Variants in CNR1 observed in about 807,000 individuals in gnomAD.
The protein encoded by CNR1 is cannabinoid receptor 1.
A neutral mutation model predicts 23.0 loss-of-function variants in CNR1; 10 were observed. That is an observed-to-expected ratio of 0.43 (90% CI 0.27 to 0.74). CNR1 has a LOEUF of 0.74. CNR1 is among the 30% of genes least tolerant of loss of function. The pLI, the probability that CNR1 is intolerant of heterozygous loss-of-function variation, is 0.19. For synonymous variants in CNR1, 271 were observed against 255.2 expected (o/e 1.06, Z -0.59); for missense variants, 422 against 618.8 (o/e 0.68, Z 3.37).
intron 1 of CNR1, among the ~76,000 whole-genome samples, chr6:88,157,172 T>C (rs995373684): frequency 2.6e-5 from 4 of 152,212 alleles, no homozygotes; most frequent in Non-Finnish European, 5.9e-5. Context: ...AAAGACAATA[T>C]ATGAAATTAC....
At chr6:88,159,442 T>C (rs1777969969) in intron 1 of CNR1, among the ~76,000 whole-genome samples, 1 of 152,200 alleles carries the variant, frequency 6.6e-6, no homozygotes, top group African/African-American at 2.4e-5. Flanking sequence ...GTTACAAATA[T>C]TTAGAAATAT....
At chr6:88,166,878 C>G (rs1288297072), upstream of CNR1, among the ~76,000 whole-genome samples, 1 of 151,832 alleles carries the variant, frequency 6.6e-6, no homozygotes, top group African/African-American at 2.4e-5. Flanking sequence ...CCGCGCAAGG[C>G]CGCTCCCGTG....
rs1776772794 is a variant in CNR1, at chr6:88,140,854, A to G, written c.*3002T>C. The G allele has an allele frequency of 6.6e-6, 1 of 152,366 alleles. No homozygotes were observed. Among genetic ancestry groups the G allele is most frequent in the African/African-American group, 2.4e-5 (1 of 41,452 alleles). 9.4% of individuals were successfully genotyped at this position (152,366 alleles called of 1,614,324 possible). A position where few individuals can be genotyped will look rare whatever the true frequency, so the allele number is the denominator to read the frequency against. On this transcript the variant is annotated 3_prime_UTR_variant, in exon 2 of 2. Coordinates refer to ENST00000369501, the MANE Select transcript of CNR1 (RefSeq NM_016083.6). The stretch of plus-strand genomic sequence containing the variant: ...CAAGTGTAGGACAGATGTCTACAGC[A>G]TCTCTCAGATTCATATCCTTTCACA...
intron 1 of CNR1, among the ~76,000 whole-genome samples, chr6:88,156,487 G>C (rs1401811137): frequency 6.6e-6 from 1 of 152,132 alleles, no homozygotes; most frequent in African/African-American, 2.4e-5. Context: ...TTTCCTAGTT[G>C]AAAGAGTAGA....
intron 1 of CNR1, among the ~76,000 whole-genome samples, chr6:88,147,445 G>A (rs1247221656): frequency 1.3e-5 from 2 of 152,226 alleles, no homozygotes; most frequent in Non-Finnish European, 2.9e-5. Flanking sequence ...CAGTCTAGAG[G>A]GCTGAAGGAG....
At chr6:88,163,556 A>C (rs1392699614) in intron 1 of CNR1, among the ~76,000 whole-genome samples, 1 of 152,258 alleles carries the variant, frequency 6.6e-6, no homozygotes, top group East Asian at 1.9e-4. Context: ...CAAAGCAAAG[A>C]ACAGTGTTAT....
intron 1 of CNR1, among the ~76,000 whole-genome samples, chr6:88,165,517 C>T (rs553457562): frequency 6.6e-6 from 1 of 152,310 alleles, no homozygotes; most frequent in Admixed American, 6.5e-5. Flanking sequence ...CCAACTCAAG[C>T]GCCCGTTTTT....
chr6:88,147,557 T>C (rs1777271778), intron 1 of CNR1: 1 of 152,160 alleles, frequency 6.6e-6, no homozygotes, highest in African/African-American at 2.4e-5. Context: ...AATACCCTAG[T>C]GTCATGATTC....
rs184123842 is a variant in CNR1, at chr6:88,141,743, G to A, written c.*2113C>T. 1 of 152,478 alleles carries A rather than the reference G, an allele frequency of 6.6e-6. No homozygotes were observed. Among genetic ancestry groups the A allele is most frequent in the Admixed American group, 6.5e-5 (1 of 15,304 alleles). 9.4% of individuals were successfully genotyped at this position (152,478 alleles called of 1,614,324 possible). ...TAAGGGAGCCAGCAGGCAGATTCAAGGTGTGCAGACAGACAATGCAAAGTA... is the reference window on the plus strand; with the variant it reads ...TAAGGGAGCCAGCAGGCAGATTCAAAGTGTGCAGACAGACAATGCAAAGTA... On this transcript the variant is annotated 3_prime_UTR_variant, in exon 2 of 2. Coordinates refer to ENST00000369501, the MANE Select transcript of CNR1 (RefSeq NM_016083.6).
In CNR1 at chr6:88,143,212, T is replaced by A. The variant is rs1032938053; in HGVS notation, c.*644A>T. The A allele has an allele frequency of 6.6e-6, 1 of 152,428 alleles. No homozygotes were observed. The highest frequency in any genetic ancestry group is 1.5e-5 in the Non-Finnish European group (1 of 68,034). The allele number at this position is 152,428 out of a possible 1,614,324, so 9.4% of individuals were successfully genotyped here. A position where few individuals can be genotyped will look rare whatever the true frequency, so the allele number is the denominator to read the frequency against. The stretch of plus-strand genomic sequence containing the variant: ...TAACAGAAAAATAAACCTTTACGGT[T>A]ATTTCAGTGTCAAAATTAAATAGAG... On this transcript the variant is annotated 3_prime_UTR_variant, in exon 2 of 2. Coordinates refer to ENST00000369501, the MANE Select transcript of CNR1 (RefSeq NM_016083.6).
At chr6:88,147,153 A>T (rs1167976109) in intron 1 of CNR1, among the ~76,000 whole-genome samples, 6 of 152,190 alleles carry the variant, frequency 3.9e-5, no homozygotes, top group South Asian at 2.1e-4. Context: ...ATTTAAAAAA[A>T]TTTTAAAAAA....
At chr6:88,156,761 T>C (rs1777823310) in intron 1 of CNR1, among the ~76,000 whole-genome samples, 1 of 152,218 alleles carries the variant, frequency 6.6e-6, no homozygotes, top group South Asian at 2.1e-4. Context: ...AAGTAAATGT[T>C]GGTATGCATC....
At position 88,144,396 on chromosome 6, in the gene CNR1, C is replaced by T. The variant is rs35057475; in HGVS notation, c.879G>A (p.Ala293=). ...GAGCCTTCCAGAGAATATACATGTA[C>T]GCATACACGATGAACAGAAGCAGTA... The part of the protein sequence containing the change: ...TSVLLLFIVY[A]YMYILWKAHS... The change falls in exon 2 of 2, where the codon GCG becomes GCA. Residue 293 remains alanine (A), a synonymous_variant. Transcript: ENST00000369501. This position sits in a 1 kb window ranked among gnomAD's most constrained non-coding sequence, Gnocchi z 7.8. 4.4e-5 allele frequency: 71 copies of T among 1,613,928 alleles called. No homozygotes were observed. The highest frequency in any genetic ancestry group is 3.2e-4 in the African/African-American group (24 of 74,918).
intron 1 of CNR1, among the ~76,000 whole-genome samples, 155 bp downstream of exon 1, chr6:88,165,648 A>G (rs1778332031): frequency 6.6e-6 from 1 of 152,264 alleles, no homozygotes; most frequent in Non-Finnish European, 1.5e-5. Context: ...ATCACAGTTA[A>G]CAGGCTGGGG....
intron 1 of CNR1, among the ~76,000 whole-genome samples, chr6:88,150,001 A>C (rs951105059): frequency 2.0e-5 from 3 of 152,222 alleles, no homozygotes; most frequent in African/African-American, 7.2e-5. Flanking sequence ...ATGGCAGTTG[A>C]ATTTTTATTA....
At chr6:88,148,298 A>G (rs996524839) in intron 1 of CNR1, among the ~76,000 whole-genome samples, 3 of 152,294 alleles carry the variant, frequency 2.0e-5, no homozygotes, top group Non-Finnish European at 2.9e-5. Context: ...CTATCATGGT[A>G]CTGACCAGAT....
Position 88,141,614 on chromosome 6 carries a change from C to T in CNR1, c.*2242G>A, listed in dbSNP as rs985817809. The T allele has an allele frequency of 1.3e-5, 2 of 152,304 alleles. No individual in the cohort carries two copies. The highest frequency in any genetic ancestry group is 6.5e-5 in the Admixed American group (1 of 15,270). The allele number at this position is 152,304 out of a possible 1,614,324, so 9.4% of individuals were successfully genotyped here. A position where few individuals can be genotyped will look rare whatever the true frequency, so the allele number is the denominator to read the frequency against. On this transcript the variant is annotated 3_prime_UTR_variant, in exon 2 of 2. Transcript: ENST00000369501. ...GGCAATTCTTAAATGCAAACTAAAC[C>T]CTGGTGAGTTCTTCTTGTAAATAAT...
chr6:88,164,960 A>T (rs758981653), intron 1 of CNR1, among the ~76,000 whole-genome samples: 4 of 152,230 alleles, frequency 2.6e-5, no homozygotes, highest in South Asian at 2.1e-4. Flanking sequence ...TATATCAGGA[A>T]ATCAACAACA....
intron 1 of CNR1, among the ~76,000 whole-genome samples, chr6:88,149,993 G>A (rs549837449): frequency 6.6e-6 from 1 of 152,290 alleles, no homozygotes; most frequent in South Asian, 2.1e-4. Flanking sequence ...CTAATAAAAT[G>A]GCAGTTGAAT....
Sources: gnomAD v4.1 joint callset for allele counts (sites outside exome capture counted in the v4.1 genomes callset) on GRCh38, gnomAD v4.1.1 for gene constraint, Gnocchi (gnomAD v3.1) non-coding constraint, MANE v1.5 for transcripts, NCBI Gene and HGNC (gene_info 2026-07-23, HGNC 2026-07-21) for gene names.